Variants in MALRD1 observed in about 807,000 individuals in gnomAD.
The protein encoded by MALRD1 is MAM and LDL-receptor class A domain-containing protein 1.
In MALRD1, 247 loss-of-function variants were observed where a neutral mutation model predicts 242.1. The ratio of observed to expected loss-of-function variants is 1.02; its 90% CI spans 0.92 to 1.13. MALRD1 has a LOEUF of 1.13. MALRD1 is among the 50% of genes most tolerant of loss of function. The pLI is 0.00. For missense variants in MALRD1, 2,989 were observed against 2,533.1 expected (o/e 1.18, Z -3.86); for synonymous variants, 995 against 866.6 (o/e 1.15, Z -2.60).
At chr10:19,282,795 A>T (rs1285750925) in intron 20 of MALRD1, among the ~76,000 whole-genome samples, 1 of 152,052 alleles carries the variant, frequency 6.6e-6, no homozygotes, top group African/African-American at 2.4e-5. Context: ...TCATTAGTAT[A>T]TGTATTTTTT....
Position 19,643,790 on chromosome 10 carries a change from C to G in MALRD1, c.6137+27867C>G, listed in dbSNP as rs148463238. 2.9e-3 allele frequency among the ~76,000 whole-genome samples: 441 copies of G among 152,284 alleles called. 4 individuals are homozygous for G. The highest frequency in any genetic ancestry group is 0.01 in the African/African-American group (427 of 41,566). On this transcript the variant is annotated intron_variant, in intron 36 of 39. Transcript: ENST00000454679. ...TCTATCTATTCTCTCCCTTTCTTCT[C>G]CCATACTCGGTGCCTGGAATGCTGG...
intron 21 of MALRD1, among the ~76,000 whole-genome samples, chr10:19,288,860 T>A (rs1841269737): frequency 6.6e-6 from 1 of 152,096 alleles, no homozygotes; most frequent in Non-Finnish European, 1.5e-5. Context: ...ACTAATGGTG[T>A]CTCTGCTGCT....
At chr10:19,652,697 A>T (rs1043621692) in intron 36 of MALRD1, among the ~76,000 whole-genome samples, 1 of 152,198 alleles carries the variant, frequency 6.6e-6, no homozygotes, top group Non-Finnish European at 1.5e-5. Flanking sequence ...GCTTACCAGG[A>T]AATTGTATAC....
intron 25 of MALRD1, among the ~76,000 whole-genome samples, chr10:19,348,535 T>C (rs1844230018): frequency 6.6e-6 from 1 of 152,132 alleles, no homozygotes. Context: ...GAATAATTTC[T>C]ATAAGCAGGA....
At chr10:19,049,267 G>C (rs566534061) in intron 1 of MALRD1, 130 bp downstream of exon 1, 3 of 579,508 alleles carry the variant, frequency 5.2e-6, no homozygotes, top group South Asian at 1.9e-4. Context: ...CTTTAGTGTA[G>C]ATCAGAAACT....
chr10:19,176,181 C>G (rs1002300901), intron 14 of MALRD1, among the ~76,000 whole-genome samples: 37 of 151,818 alleles, frequency 2.4e-4, no homozygotes, highest in African/African-American at 7.7e-4. Context: ...CTGTATATTC[C>G]TAAGTTATAT....
intron 4 of MALRD1, among the ~76,000 whole-genome samples, chr10:19,101,049 T>C (rs2131327644): frequency 6.6e-6 from 1 of 152,048 alleles, no homozygotes; most frequent in Non-Finnish European, 1.5e-5. Context: ...GTAGTGAACA[T>C]TATTTAATGC....
intron 28 of MALRD1, among the ~76,000 whole-genome samples, chr10:19,426,495 T>A (rs1833908498): frequency 6.6e-6 from 1 of 152,144 alleles, no homozygotes; most frequent in African/African-American, 2.4e-5. Flanking sequence ...ACTAGCCACA[T>A]GCAGTTTTAA....
At chr10:19,292,401 G>T (rs1237570441) in intron 21 of MALRD1, among the ~76,000 whole-genome samples, 1 of 152,042 alleles carries the variant, frequency 6.6e-6, no homozygotes, top group African/African-American at 2.4e-5. Flanking sequence ...GTTAGAACTT[G>T]CTTACAGGTG....
intron 38 of MALRD1, among the ~76,000 whole-genome samples, chr10:19,693,785 A>G (rs1409859759): frequency 6.6e-6 from 1 of 152,226 alleles, no homozygotes; most frequent in African/African-American, 2.4e-5. Context: ...CTAAGGCAAA[A>G]GAACAAAGCT....
At chr10:19,138,406 TC>T (rs1833426552) in intron 10 of MALRD1, among the ~76,000 whole-genome samples, 2 of 151,286 alleles carry the variant, frequency 1.3e-5, no homozygotes, top group African/African-American at 4.8e-5. Flanking sequence ...ATATTTCCTT[TC>T]TTTCCACGTA....
At chr10:19,367,691 C>G (rs1388510425) in intron 26 of MALRD1, among the ~76,000 whole-genome samples, 1 of 152,034 alleles carries the variant, frequency 6.6e-6, no homozygotes, top group Admixed American at 6.6e-5. Context: ...CCATACTGTT[C>G]TTCGTAGTGG....
intron 36 of MALRD1, among the ~76,000 whole-genome samples, chr10:19,662,547 T>A (rs1841490650): frequency 1.3e-5 from 2 of 152,310 alleles, no homozygotes; most frequent in African/African-American, 4.8e-5. Context: ...TTTGTAGCAT[T>A]TCTAAGATGT....
intron 21 of MALRD1, among the ~76,000 whole-genome samples, chr10:19,316,244 G>T (rs1014754337): frequency 1.3e-5 from 2 of 151,738 alleles, no homozygotes; most frequent in African/African-American, 4.8e-5. Flanking sequence ...TTTAGTTAAA[G>T]ACTTCACCTT....
chr10:19,199,150 G>A (rs1281962167), intron 14 of MALRD1, among the ~76,000 whole-genome samples: 1 of 151,706 alleles, frequency 6.6e-6, no homozygotes. Flanking sequence ...GCAACTTTCA[G>A]CAGGGGCACA....
chr10:19,663,797 T>G (rs11816587), intron 36 of MALRD1, among the ~76,000 whole-genome samples: 6,513 of 143,710 alleles, frequency 0.045, 423 homozygotes, highest in African/African-American at 0.16. Context: ...GAAATGGGAG[T>G]TTTTTTTTTC....
chr10:19,181,042 G>T (rs910690732), intron 14 of MALRD1, among the ~76,000 whole-genome samples: 9 of 146,664 alleles, frequency 6.1e-5, no homozygotes, highest in Admixed American at 5.7e-4. Flanking sequence ...AATTAGGATA[G>T]CTATAATTAA....
chr10:19,062,441 GA>G (rs1364491612), intron 1 of MALRD1, among the ~76,000 whole-genome samples: 1 of 152,116 alleles, frequency 6.6e-6, no homozygotes, highest in Non-Finnish European at 1.5e-5. Context: ...ATACCCCAAG[GA>G]AACCAAAGTA....
intron 18 of MALRD1, among the ~76,000 whole-genome samples, chr10:19,225,392 T>G (rs554558560): frequency 4.1e-4 from 62 of 152,266 alleles, no homozygotes; most frequent in African/African-American, 1.5e-3. Flanking sequence ...TATACTGATG[T>G]TTGTTATTGT....
Sources: gnomAD v4.1 joint callset for allele counts (sites outside exome capture counted in the v4.1 genomes callset) on GRCh38, gnomAD v4.1.1 for gene constraint, MANE v1.5 for transcripts, NCBI Gene and HGNC (gene_info 2026-07-23, HGNC 2026-07-21) for gene names.